Variants in OSBPL1A observed in about 807,000 individuals in gnomAD.
OSBPL1A encodes the protein oxysterol-binding protein-related protein 1.
A neutral mutation model predicts 137.1 loss-of-function variants in OSBPL1A; 80 were observed. The observed-to-expected ratio is 0.58, with a 90% confidence interval of 0.49 to 0.70. The LOEUF (loss-of-function observed/expected upper bound fraction) is 0.70. OSBPL1A is among the 30% of genes least tolerant of loss of function. OSBPL1A has a pLI of 0.00. For missense variants in OSBPL1A, 970 were observed against 1,129.4 expected, an observed-to-expected ratio of 0.86 and a Z score of 2.02; for synonymous variants, 365 against 389.7, an observed-to-expected ratio of 0.94 and a Z score of 0.75.
chr18:24,272,240 T>C (rs1293690893), intron 15 of OSBPL1A: 2 of 983,474 alleles, frequency 2.0e-6, no homozygotes, highest in African/African-American at 3.5e-5. Flanking sequence ...TGGCAACTTT[T>C]TTTTTTTCTT....
chr18:24,293,645 C>G (rs1294358217), intron 14 of OSBPL1A, among the ~76,000 whole-genome samples: 1 of 152,106 alleles, frequency 6.6e-6, no homozygotes, highest in Non-Finnish European at 1.5e-5. Context: ...GAAGAGGGAA[C>G]AGCACACGAA....
At position 24,377,400 on chromosome 18, in the gene OSBPL1A, A is replaced by AGTAAAGC; in HGVS notation, c.121+12_121+13insGCTTTAC. On this transcript the variant is annotated intron_variant, in intron 2 of 27. Coordinates refer to ENST00000319481, the MANE Select transcript of OSBPL1A (RefSeq NM_080597.4). ...CTCATAAGAGAAAGCTACAAAATCC[A>AGTAAAGC]TTCAAAGTTTACCTTTGCAATTAAT... The AGTAAAGC allele has an allele frequency of 6.3e-7, 1 of 1,599,736 alleles. No individual in the cohort carries two copies.
intron 18 of OSBPL1A, among the ~76,000 whole-genome samples, chr18:24,195,524 T>C (rs1185636114): frequency 1.3e-5 from 2 of 152,172 alleles, no homozygotes; most frequent in Non-Finnish European, 2.9e-5. Flanking sequence ...ATGACTTACA[T>C]GTTCGGTGGT....
chr18:24,319,437 G>A (rs2090799459), intron 7 of OSBPL1A, among the ~76,000 whole-genome samples: 3 of 152,256 alleles, frequency 2.0e-5, no homozygotes, highest in African/African-American at 2.4e-5. Context: ...CGCTTCAGCC[G>A]TCTCGCTGCA....
chr18:24,376,745 C>G (rs886592059), intron 2 of OSBPL1A, among the ~76,000 whole-genome samples: 3 of 152,224 alleles, frequency 2.0e-5, no homozygotes, highest in Admixed American at 2.0e-4. Context: ...AGCTAAGGCC[C>G]GGTGAGAGAT....
rs2087202666 is a variant in OSBPL1A at position 24,200,991 on chromosome 18, C to A, written c.1602-4791G>T. ...CGAATGGTGTTGGATGGCAGTGTTA[C>A]TCCAGGCAGAAATAAGAACAGACGA... On this transcript the variant is annotated intron_variant, in intron 17 of 27. Coordinates refer to ENST00000319481, the MANE Select transcript of OSBPL1A (RefSeq NM_080597.4). Among the ~76,000 whole-genome samples the A allele has an allele frequency of 2.0e-5, 3 of 152,012 alleles. No individual in the cohort carries two copies. The South Asian group carries it at 6.2e-4, about 32-fold the overall frequency.
At position 24,366,899 on chromosome 18, in the gene OSBPL1A, C is replaced by A. The variant is rs2091709773; in HGVS notation, c.275G>T (p.Gly92Val). 6.2e-7 allele frequency: 1 copy of A among 1,611,510 alleles called. No individual in the cohort carries two copies. Among genetic ancestry groups the A allele is most frequent in the South Asian group, 1.1e-5 (1 of 90,516 alleles). Residue 92 changes from glycine to valine, a missense_variant, in exon 4 of 28, where the codon GGA becomes GTA. Physicochemically the swap from Gly to Val is moderately radical, Grantham distance 109. Around this residue, in one of 2 missense-constraint regions of OSBPL1A, gnomAD observed 647 missense variants for 672.6 expected, o/e 0.96. Transcript: ENST00000319481. ...ACATAGAATGATTTTCACCTTTCGT[C>A]CTGTAAAGGCAGCTCGATGAAGCGG... ...DTPLHRAAFT[G>V]RKELVMLLLE... is the part of the protein sequence containing the mutation.
chr18:24,207,414 A>T (rs1204524698), intron 17 of OSBPL1A, among the ~76,000 whole-genome samples: 2 of 152,232 alleles, frequency 1.3e-5, no homozygotes, highest in African/African-American at 4.8e-5. Context: ...TATTTTCAAA[A>T]CCAACTTATT....
At chr18:24,234,891 G>A (rs2088411497) in intron 16 of OSBPL1A, among the ~76,000 whole-genome samples, 2 of 152,066 alleles carry the variant, frequency 1.3e-5, no homozygotes, top group South Asian at 4.2e-4. Flanking sequence ...CAAATGAAGT[G>A]GAGGTTTGTA....
At chr18:24,265,459 G>A (rs771311485) in intron 15 of OSBPL1A, among the ~76,000 whole-genome samples, 1 of 152,122 alleles carries the variant, frequency 6.6e-6, no homozygotes, top group African/African-American at 2.4e-5. Flanking sequence ...CAGCCTGGGC[G>A]ACAGAGTGAT....
chr18:24,166,846 T>C lies in OSBPL1A; in HGVS notation c.2536-144A>G, dbSNP rs1363943987. On this transcript the variant is annotated intron_variant, in intron 25 of 27. Coordinates refer to ENST00000319481, the MANE Select transcript of OSBPL1A (RefSeq NM_080597.4). ...GTCAGTCTTTCTCAGATCACACGTA[T>C]CTAAATGTTTTCACCAAAATCTGCA... is the stretch of plus-strand genomic sequence containing the variant. 1.0e-4 allele frequency: 84 copies of C among 843,374 alleles called. 2 individuals are homozygous for C. In the South Asian group the frequency reaches 1.6e-3, roughly 16 times the overall value. 52.2% of individuals were successfully genotyped at this position (843,374 alleles called of 1,614,324 possible). A position where few individuals can be genotyped will look rare whatever the true frequency, so the allele number is the denominator to read the frequency against.
chr18:24,278,685 G>C (rs1341158381), intron 15 of OSBPL1A, among the ~76,000 whole-genome samples: 1 of 152,128 alleles, frequency 6.6e-6, no homozygotes, highest in Non-Finnish European at 1.5e-5. Context: ...ATATATCTCT[G>C]GAACAAGAAA....
rs576719404 is a variant in OSBPL1A, at chr18:24,224,923, T to TA, written c.1601+118dup. The TA allele has an allele frequency of 2.4e-4, 305 of 1,275,372 alleles. 2 individuals are homozygous for TA. The South Asian group carries it at 4.0e-3, about 17-fold the overall frequency. The allele number at this position is 1,275,372 out of a possible 1,614,324, so 79.0% of individuals were successfully genotyped here. On this transcript the variant is annotated intron_variant, in intron 17 of 27. Transcript: ENST00000319481. ...AAGTTAAATGCTTTCTTTGAGGTGA[T>TA]ATAGCAATATAAATCCCCTACACGG...
intron 15 of OSBPL1A, among the ~76,000 whole-genome samples, chr18:24,241,750 A>G (rs1358306935): frequency 6.6e-6 from 1 of 152,200 alleles, no homozygotes; most frequent in East Asian, 1.9e-4. Context: ...CAGAAATACC[A>G]TCTGACCCAG....
chr18:24,237,360 A>G (rs1177071248), intron 16 of OSBPL1A, among the ~76,000 whole-genome samples: 2 of 152,132 alleles, frequency 1.3e-5, no homozygotes, highest in African/African-American at 4.8e-5. Flanking sequence ...GCTGGAATGC[A>G]ATGGCACCAT....
At chr18:24,324,455 T>TA (rs145135815) in intron 7 of OSBPL1A, among the ~76,000 whole-genome samples, 24 of 12,984 alleles carry the variant, frequency 1.8e-3, no homozygotes, top group Non-Finnish European at 2.3e-3. Context: ...CTGAAAAAGT[T>TA]AAAAAAAAAA....
At chr18:24,179,958 G>C in intron 19 of OSBPL1A, 123 bp from the exon 20 acceptor site, 1 of 737,816 alleles carries the variant, frequency 1.4e-6, no homozygotes, top group Non-Finnish European at 2.4e-6. Flanking sequence ...CATTACTTTG[G>C]AGTTTTAATA....
chr18:24,363,981 C>A (rs1005826160), intron 4 of OSBPL1A, among the ~76,000 whole-genome samples: 2 of 152,034 alleles, frequency 1.3e-5, no homozygotes, highest in African/African-American at 4.8e-5. Flanking sequence ...ATGGGCCCAC[C>A]GAGATAATCC....
At chr18:24,220,963 T>C (rs2087869966) in intron 17 of OSBPL1A, among the ~76,000 whole-genome samples, 1 of 152,102 alleles carries the variant, frequency 6.6e-6, no homozygotes, top group Non-Finnish European at 1.5e-5. Flanking sequence ...GTGTTTGTAG[T>C]AGAAACGGGG....
Sources: allele counts gnomAD v4.1 joint callset (sites outside exome capture counted in the v4.1 genomes callset), GRCh38; gene constraint gnomAD v4.1.1; regional missense constraint gnomAD v4.1.1; transcripts MANE v1.5; gene names NCBI Gene and HGNC (gene_info 2026-07-23, HGNC 2026-07-21).